The following CHD5 variants were observed in gnomAD, a reference collection of about 807,000 sequenced individuals.
CHD5 encodes chromodomain helicase DNA binding protein 5.
A neutral mutation model predicts 230.3 loss-of-function variants in CHD5; 69 were observed. That is an observed-to-expected ratio of 0.30 (90% CI 0.25 to 0.37). CHD5 has a LOEUF of 0.37. Among genes scored for constraint, CHD5 ranks in the 10% least tolerant of loss-of-function variants. The pLI is 1.00. For synonymous variants in CHD5, 1,064 were observed against 1,065.9 expected, an observed-to-expected ratio of 1.00 and a Z score of 0.03; for missense variants, 1,827 against 2,622.8, an observed-to-expected ratio of 0.70 and a Z score of 6.63.
At chr1:6,174,846 G>T (rs1667396425) in intron 1 of CHD5, among the ~76,000 whole-genome samples, 1 of 151,266 alleles carries the variant, frequency 6.6e-6, no homozygotes, top group South Asian at 2.1e-4. Flanking sequence ...TGGATGAATG[G>T]ATGAATGACG....
intron 7 of CHD5, among the ~76,000 whole-genome samples, chr1:6,150,000 AATGGATGGATGG>A (rs58706054): frequency 7.6e-5 from 11 of 144,608 alleles, no homozygotes; most frequent in Admixed American, 4.1e-4. Context: ...TGGATGGACA[AATGGATGGATGG>A]ATGGATGGAT....
rs1185345547 is a variant in CHD5 at position 6,121,486 on chromosome 1, T to G, written c.4779+8A>C. On this transcript the variant is annotated splice_region_variant and intron_variant, in intron 32 of 41. Coordinates refer to ENST00000262450, the MANE Select transcript of CHD5 (RefSeq NM_015557.3). The surrounding 1 kb of genome is among the most constrained non-coding windows in gnomAD (Gnocchi z 4.5). Reference sequence around the variant, plus strand: ...CACCACAGGCCCAGACGCCAGCAAGTTCCACACCTGGACTTCCAGGGGCTG... The same window carrying G: ...CACCACAGGCCCAGACGCCAGCAAGGTCCACACCTGGACTTCCAGGGGCTG... 1.9e-6 allele frequency: 3 copies of G among 1,609,864 alleles called. No individual in the cohort carries two copies. The African/African-American group carries it at 4.0e-5, about 21-fold the overall frequency.
chr1:6,153,889 A>C (rs1411867312), intron 5 of CHD5, among the ~76,000 whole-genome samples: 1 of 152,114 alleles, frequency 6.6e-6, no homozygotes, highest in East Asian at 1.9e-4. Flanking sequence ...GCTGCAGGTG[A>C]CTGACAGCCC....
At position 6,155,487 on chromosome 1, in the gene CHD5, A is replaced by C; in HGVS notation, c.506+112T>G. The C allele has an allele frequency of 1.1e-6, 1 of 901,452 alleles. No homozygotes were observed. Among genetic ancestry groups the C allele is most frequent in the Non-Finnish European group, 1.8e-6 (1 of 564,142 alleles). 55.8% of individuals were successfully genotyped at this position (901,452 alleles called of 1,614,324 possible). A position where few individuals can be genotyped will look rare whatever the true frequency, so the allele number is the denominator to read the frequency against. On this transcript the variant is annotated intron_variant, in intron 4 of 41. Transcript: ENST00000262450. This position sits in a 1 kb window ranked among gnomAD's most constrained non-coding sequence, Gnocchi z 4.0. Reference sequence around the variant, plus strand: ...TCCCCCAGGTTGCTCAGTCGGTCTGACAGAGCCCACCCCTACCCCAGGTGC... The same window carrying C: ...TCCCCCAGGTTGCTCAGTCGGTCTGCCAGAGCCCACCCCTACCCCAGGTGC...
rs919880165 is a variant in CHD5, at chr1:6,134,565, A to G, written c.3012+153T>C. ...CCAGAGTGGCCACAGGCAACCTTCC[A>G]TGATGGCCAGGGAAACCTACCATGA... On this transcript the variant is annotated intron_variant, in intron 19 of 41. Coordinates refer to ENST00000262450, the MANE Select transcript of CHD5 (RefSeq NM_015557.3). This position sits in a 1 kb window ranked among gnomAD's most constrained non-coding sequence, Gnocchi z 6.3. Among the ~76,000 whole-genome samples the G allele has an allele frequency of 1.3e-5, 2 of 152,118 alleles. No homozygotes were observed. Among genetic ancestry groups the G allele is most frequent in the Non-Finnish European group, 2.9e-5 (2 of 67,998 alleles).
rs1666177273 is a variant in CHD5 at position 6,106,808 on chromosome 1, A to T, written c.5579-29T>A. 3 of 1,336,538 alleles carry T rather than the reference A, an allele frequency of 2.2e-6. No homozygotes were observed. In the African/African-American group the frequency reaches 4.7e-5, roughly 21 times the overall value. 82.8% of individuals were successfully genotyped at this position (1,336,538 alleles called of 1,614,324 possible). On this transcript the variant is annotated intron_variant, in intron 38 of 41. Coordinates refer to ENST00000262450, the MANE Select transcript of CHD5 (RefSeq NM_015557.3). ...TGGTGGGAGGCGGAGGGATGGTAGG[A>T]TGCAGGGATGGAGGGGTGGAGGGAT...
chr1:6,105,481 G>A lies in CHD5; in HGVS notation c.*47-54C>T, dbSNP rs983564069. On this transcript the variant is annotated intron_variant, in intron 41 of 41. Coordinates refer to ENST00000262450, the MANE Select transcript of CHD5 (RefSeq NM_015557.3). This position sits in a 1 kb window ranked among gnomAD's most constrained non-coding sequence, Gnocchi z 4.8. ...AGGTGGGCAGTTATAGGGGGCATCA[G>A]GGTGGCACCCAACAGCCTGTAGCTG... 3 of 455,014 alleles carry A rather than the reference G, an allele frequency of 6.6e-6. No homozygotes were observed. Among genetic ancestry groups the A allele is most frequent in the Non-Finnish European group, 1.4e-5 (3 of 220,094 alleles). The allele number at this position is 455,014 out of a possible 1,614,324, so 28.2% of individuals were successfully genotyped here. A position where few individuals can be genotyped will look rare whatever the true frequency, so the allele number is the denominator to read the frequency against.
At chr1:6,144,514 C>A (rs1666880488) in intron 11 of CHD5, among the ~76,000 whole-genome samples, 1 of 152,234 alleles carries the variant, frequency 6.6e-6, no homozygotes, top group African/African-American at 2.4e-5. Flanking sequence ...GAAAGTTCTC[C>A]TTCCTGCCAA....
At chr1:6,127,104 G>A (rs571395131) in intron 25 of CHD5, 7 of 271,768 alleles carry the variant, frequency 2.6e-5, no homozygotes, top group African/African-American at 1.3e-4. Flanking sequence ...GGAGGGTGGG[G>A]AGCAGAGGAG....
chr1:6,128,256 G>A lies in CHD5; in HGVS notation c.3731-38C>T. On this transcript the variant is annotated intron_variant, in intron 24 of 41. Transcript: ENST00000262450. The surrounding 1 kb of genome is among the most constrained non-coding windows in gnomAD (Gnocchi z 7.8). Reference sequence around the variant, plus strand: ...CAAATGCAGTGTGAGGACAAAGACTGCCCTGGTCCAGCCCCGGGGTCCCAG... The same window carrying A: ...CAAATGCAGTGTGAGGACAAAGACTACCCTGGTCCAGCCCCGGGGTCCCAG... 6.2e-7 allele frequency: 1 copy of A among 1,602,020 alleles called. No individual in the cohort carries two copies. Among genetic ancestry groups the A allele is most frequent in the Non-Finnish European group, 8.5e-7 (1 of 1,171,486 alleles).
At position 6,128,423 on chromosome 1, in the gene CHD5, GT is replaced by G; in HGVS notation, c.3730+75del. 1 of 1,315,326 alleles carries G rather than the reference GT, an allele frequency of 7.6e-7. No individual in the cohort carries two copies. Among genetic ancestry groups the G allele is most frequent in the Admixed American group, 1.8e-5 (1 of 54,068 alleles). The allele number at this position is 1,315,326 out of a possible 1,614,324, so 81.5% of individuals were successfully genotyped here. The stretch of plus-strand genomic sequence containing the variant: ...TCCCAGGACGCCCAAGTGAGGGCAG[GT>G]CAGGGAACCCCTCCTCTGCAGGAGC... On this transcript the variant is annotated intron_variant, in intron 24 of 41. Transcript: ENST00000262450. This position sits in a 1 kb window ranked among gnomAD's most constrained non-coding sequence, Gnocchi z 7.8.
intron 3 of CHD5, among the ~76,000 whole-genome samples, chr1:6,158,709 C>T (rs936183329): frequency 8.5e-5 from 13 of 152,088 alleles, no homozygotes; most frequent in Admixed American, 7.2e-4. Context: ...AGGCAGATCG[C>T]GAGGTCAAGA....
In CHD5 at chr1:6,126,834, G is replaced by GC. The variant is rs1332764913; in HGVS notation, c.3904-89dup. On this transcript the variant is annotated intron_variant, in intron 25 of 41. Coordinates refer to ENST00000262450, the MANE Select transcript of CHD5 (RefSeq NM_015557.3). This position sits in a 1 kb window ranked among gnomAD's most constrained non-coding sequence, Gnocchi z 5.7. ...GCTGCCTCCACCTGACCTGCCCTTTGCCCCCTCAGGGCTCAAGGATTAATG... is the reference window on the plus strand; with the variant it reads ...GCTGCCTCCACCTGACCTGCCCTTTGCCCCCCTCAGGGCTCAAGGATTAATG... 9 of 1,256,694 alleles carry GC rather than the reference G, an allele frequency of 7.2e-6. No individual in the cohort carries two copies. The East Asian group carries it at 1.2e-4, about 17-fold the overall frequency. 77.8% of individuals were successfully genotyped at this position (1,256,694 alleles called of 1,614,324 possible). A position where few individuals can be genotyped will look rare whatever the true frequency, so the allele number is the denominator to read the frequency against.
chr1:6,130,026 G>T lies in CHD5; in HGVS notation c.3387+178C>A. ...CAAGGACAGAGCTGGAGGGATGGGG[G>T]CCAAGCTTCCACTCACTCCCAGAGC... On this transcript the variant is annotated intron_variant, in intron 22 of 41. Transcript: ENST00000262450. The surrounding 1 kb of genome is among the most constrained non-coding windows in gnomAD (Gnocchi z 4.9). 1 of 697,218 alleles carries T rather than the reference G, an allele frequency of 1.4e-6. No individual in the cohort carries two copies. Among genetic ancestry groups the T allele is most frequent in the Non-Finnish European group, 2.4e-6 (1 of 410,312 alleles). 43.2% of individuals were successfully genotyped at this position (697,218 alleles called of 1,614,324 possible).
intron 1 of CHD5, among the ~76,000 whole-genome samples, chr1:6,179,273 G>C (rs1441668746): frequency 6.6e-6 from 1 of 152,194 alleles, no homozygotes; most frequent in African/African-American, 2.4e-5. Flanking sequence ...AGCGGCGGGC[G>C]CTAGGTCGCG....
At position 6,150,598 on chromosome 1, in the gene CHD5, AGGAT is replaced by A. The variant is rs550544781; in HGVS notation, c.994+430_994+433del. On this transcript the variant is annotated intron_variant, in intron 7 of 41. Coordinates refer to ENST00000262450, the MANE Select transcript of CHD5 (RefSeq NM_015557.3). ...GATGGATGAATGGCTGGATGGATGA[AGGAT>A]GGATGGATAAAAAGAAGGGACTGAG... Among the ~76,000 whole-genome samples, 17 of 151,200 alleles carry A rather than the reference AGGAT, an allele frequency of 1.1e-4. No homozygotes were observed. In the South Asian group the frequency reaches 3.6e-3, roughly 32 times the overall value.
chr1:6,179,051 G>GA (rs1387788662), intron 1 of CHD5, among the ~76,000 whole-genome samples: 23 of 152,382 alleles, frequency 1.5e-4, no homozygotes, highest in African/African-American at 5.5e-4. Flanking sequence ...TGCCAGGAGG[G>GA]AAAACGTCCC....
In CHD5 at chr1:6,106,219, C is replaced by G. The variant is rs756427457; in HGVS notation, c.*46+15G>C. 6.2e-7 allele frequency: 1 copy of G among 1,608,668 alleles called. No homozygotes were observed. Among genetic ancestry groups the G allele is most frequent in the Non-Finnish European group, 8.5e-7 (1 of 1,176,266 alleles). On this transcript the variant is annotated intron_variant, in intron 41 of 41. Transcript: ENST00000262450. ...TGGGGTGGCGGGGAGGAACACAGCA[C>G]CCAGCAGCCCTCACCTCAGCTGGAA... is the stretch of plus-strand genomic sequence containing the variant.
chr1:6,114,315 A>AT (rs1290373762), intron 33 of CHD5, among the ~76,000 whole-genome samples: 1 of 151,898 alleles, frequency 6.6e-6, no homozygotes, highest in Non-Finnish European at 1.5e-5. Flanking sequence ...GAAAACAATG[A>AT]TCCCCCACCA....
Sources: gnomAD v4.1 joint callset for allele counts (sites outside exome capture counted in the v4.1 genomes callset) on GRCh38, gnomAD v4.1.1 for gene constraint, Gnocchi (gnomAD v3.1) non-coding constraint, MANE v1.5 for transcripts, NCBI Gene and HGNC (gene_info 2026-07-23, HGNC 2026-07-21) for gene names.